UMAD1: variants seen among roughly 807,000 people sequenced by gnomAD.
UMAD1 encodes UBAP1-MVB12-associated (UMA)-domain containing protein 1.
UMAD1 carries 8 observed loss-of-function variants against 6.1 expected under a neutral mutation model. That is an observed-to-expected ratio of 1.30 (90% CI 0.76 to 2.35). The LOEUF (loss-of-function observed/expected upper bound fraction) is 2.35. UMAD1 is among the 30% of genes most tolerant of loss of function. UMAD1 has a pLI of 0.00. For synonymous variants in UMAD1, 56 were observed against 31.4 expected, an observed-to-expected ratio of 1.78 and a Z score of -2.61; for missense variants, 130 against 78.4, an observed-to-expected ratio of 1.66 and a Z score of -2.49.
chr7:7,843,583 T>C (rs945577042), intron 3 of UMAD1, among the ~76,000 whole-genome samples: 1 of 152,122 alleles, frequency 6.6e-6, no homozygotes, highest in Non-Finnish European at 1.5e-5. Context: ...TTATTTATTA[T>C]TACCTAACAT....
At chr7:7,732,159 C>A (rs182501635) in intron 2 of UMAD1, among the ~76,000 whole-genome samples, 2 of 151,946 alleles carry the variant, frequency 1.3e-5, no homozygotes, top group Non-Finnish European at 2.9e-5. Flanking sequence ...AATTCCTGTT[C>A]CTTTTAAGAA....
At chr7:7,714,481 AT>A (rs1383786964) in intron 2 of UMAD1, among the ~76,000 whole-genome samples, 11 of 152,266 alleles carry the variant, frequency 7.2e-5, no homozygotes, top group African/African-American at 2.4e-4. Context: ...ACTTTGTTAA[AT>A]GCTTTAGAAA....
chr7:7,703,086 T>C (rs978213118), intron 2 of UMAD1, among the ~76,000 whole-genome samples: 1 of 152,182 alleles, frequency 6.6e-6, no homozygotes, highest in African/African-American at 2.4e-5. Context: ...TTTTTAGAAC[T>C]TCCTTGCCAA....
At chr7:7,750,565 T>G (rs1781659298) in intron 2 of UMAD1, among the ~76,000 whole-genome samples, 1 of 152,214 alleles carries the variant, frequency 6.6e-6, no homozygotes, top group Non-Finnish European at 1.5e-5. Flanking sequence ...GGTTTCATAT[T>G]TTTCTTATAT....
At chr7:7,705,017 C>T (rs1011346717) in intron 2 of UMAD1, among the ~76,000 whole-genome samples, 1 of 152,114 alleles carries the variant, frequency 6.6e-6, no homozygotes, top group Non-Finnish European at 1.5e-5. Flanking sequence ...GATTGTGAAC[C>T]ATGGTGCTTC....
intron 3 of UMAD1, 84 bp downstream of exon 3, chr7:7,801,827 TCTG>T: frequency 1.5e-6 from 1 of 689,230 alleles, no homozygotes; most frequent in Non-Finnish European, 2.7e-6. Flanking sequence ...AATAGTAACT[TCTG>T]CTCTTGCTAT....
rs528755349 is a variant in UMAD1, at chr7:7,731,041, A to C, written c.82+57588A>C. 1.1e-4 allele frequency among the ~76,000 whole-genome samples: 17 copies of C among 152,334 alleles called. No individual in the cohort carries two copies. The East Asian group carries it at 3.3e-3, about 29-fold the overall frequency. On this transcript the variant is annotated intron_variant, in intron 2 of 3. Transcript: ENST00000682710. ...TGACATGGTGTCTTGCTCTGTCACCAGGCTGGAGTGCAGTGGCACCAATCT... is the reference window on the plus strand; with the variant it reads ...TGACATGGTGTCTTGCTCTGTCACCCGGCTGGAGTGCAGTGGCACCAATCT...
At chr7:7,867,175 A>G (rs1472937264) in intron 3 of UMAD1, among the ~76,000 whole-genome samples, 1 of 152,214 alleles carries the variant, frequency 6.6e-6, no homozygotes, top group Non-Finnish European at 1.5e-5. Context: ...AGCCAGGTTT[A>G]AAACATGTTG....
At chr7:7,647,140 A>T (rs1243145568) in intron 1 of UMAD1, among the ~76,000 whole-genome samples, 3 of 152,228 alleles carry the variant, frequency 2.0e-5, no homozygotes, top group African/African-American at 4.8e-5. Context: ...AGATCACTAT[A>T]GTTATCTTTG....
intron 2 of UMAD1, among the ~76,000 whole-genome samples, chr7:7,741,824 A>T (rs2115206694): frequency 6.6e-6 from 1 of 152,122 alleles, no homozygotes; most frequent in Non-Finnish European, 1.5e-5. Context: ...AAACTTAAGT[A>T]AAAGGCTTTA....
chr7:7,875,996 G>A (rs1784410348), intron 3 of UMAD1, among the ~76,000 whole-genome samples: 1 of 152,208 alleles, frequency 6.6e-6, no homozygotes, highest in African/African-American at 2.4e-5. Context: ...GGAGGATACA[G>A]TGAGCCAGGA....
intron 3 of UMAD1, among the ~76,000 whole-genome samples, chr7:7,852,575 A>G (rs1456333927): frequency 2.0e-5 from 3 of 152,136 alleles, no homozygotes; most frequent in African/African-American, 4.8e-5. Context: ...ATGTTTACTG[A>G]TTATTACAAA....
At chr7:7,673,874 T>C (rs906789112) in intron 2 of UMAD1, among the ~76,000 whole-genome samples, 4 of 152,186 alleles carry the variant, frequency 2.6e-5, no homozygotes, top group African/African-American at 4.8e-5. Flanking sequence ...AAAATCTAAA[T>C]ATGTTAAATA....
intron 2 of UMAD1, among the ~76,000 whole-genome samples, chr7:7,795,322 G>C (rs1007728477): frequency 6.6e-6 from 1 of 152,194 alleles, no homozygotes; most frequent in Non-Finnish European, 1.5e-5. Flanking sequence ...AATATGCTGA[G>C]CTGGTCAGGC....
intron 2 of UMAD1, among the ~76,000 whole-genome samples, chr7:7,720,428 A>G (rs775797996): frequency 2.6e-5 from 4 of 152,236 alleles, no homozygotes; most frequent in Middle Eastern, 6.8e-3. Context: ...TGTGTTTTTA[A>G]TCATTTCCCC....
intron 2 of UMAD1, among the ~76,000 whole-genome samples, chr7:7,797,717 C>T (rs1488241651): frequency 1.9e-4 from 28 of 148,428 alleles, no homozygotes; most frequent in Non-Finnish European, 3.4e-4. Flanking sequence ...GAGACGAGGT[C>T]TCACTCTGTT....
At chr7:7,727,586 G>C (rs1253117318) in intron 2 of UMAD1, among the ~76,000 whole-genome samples, 5 of 152,152 alleles carry the variant, frequency 3.3e-5, no homozygotes, top group African/African-American at 1.2e-4. Flanking sequence ...TTCCAAAGGA[G>C]AATAACATTT....
intron 1 of UMAD1, among the ~76,000 whole-genome samples, chr7:7,647,138 A>G (rs1048572589): frequency 1.3e-5 from 2 of 152,204 alleles, no homozygotes; most frequent in Admixed American, 1.3e-4. Flanking sequence ...TTAGATCACT[A>G]TAGTTATCTT....
intron 2 of UMAD1, among the ~76,000 whole-genome samples, chr7:7,766,913 T>C (rs1781994668): frequency 6.6e-6 from 1 of 152,140 alleles, no homozygotes; most frequent in Non-Finnish European, 1.5e-5. Flanking sequence ...TTATGGAAAC[T>C]TACTGTCTGG....
Sources: allele counts gnomAD v4.1 joint callset (sites outside exome capture counted in the v4.1 genomes callset), GRCh38; gene constraint gnomAD v4.1.1; transcripts MANE v1.5; gene names NCBI Gene and HGNC (gene_info 2026-07-23, HGNC 2026-07-21).